The following GALNT18 variants were observed in gnomAD, a reference collection of about 807,000 sequenced individuals.
The protein encoded by GALNT18 is polypeptide N-acetylgalactosaminyltransferase 18.
GALNT18 carries 44 observed loss-of-function variants against 69.5 expected under a neutral mutation model. The ratio of observed to expected loss-of-function variants is 0.63; its 90% CI spans 0.50 to 0.81. GALNT18 has a LOEUF of 0.81. Ranked by LOEUF, GALNT18 falls within the 40% of genes least tolerant of loss-of-function variation. The probability of loss-of-function intolerance (pLI) is 0.00; values close to 1 mark genes in which losing one functional copy is unlikely to be tolerated. For synonymous variants in GALNT18, 364 were observed against 318.2 expected, an observed-to-expected ratio of 1.14 and a Z score of -1.53; for missense variants, 715 against 810.0, an observed-to-expected ratio of 0.88 and a Z score of 1.42.
chr11:11,274,047 G>T (rs143230046), intron 10 of GALNT18, among the ~76,000 whole-genome samples: 1 of 152,128 alleles, frequency 6.6e-6, no homozygotes, highest in Non-Finnish European at 1.5e-5. Context: ...GCTGAAGCAG[G>T]GTGGGTTATC....
intron 7 of GALNT18, among the ~76,000 whole-genome samples, chr11:11,335,987 T>G (rs577376200): frequency 6.6e-6 from 1 of 152,214 alleles, no homozygotes; most frequent in East Asian, 1.9e-4. Context: ...TTTGTTACCA[T>G]AGCCCTAGGA....
At position 11,435,408 on chromosome 11, in the gene GALNT18, G is replaced by T. The variant is rs1348745505; in HGVS notation, c.429-2621C>A. ...CTTTCTCCACGCAGAATGAAATGCT[G>T]TATTTGTATAATAAGCTAAGCCCTG... On this transcript the variant is annotated intron_variant, in intron 2 of 10. Transcript: ENST00000227756. This position sits in a 1 kb window ranked among gnomAD's most constrained non-coding sequence, Gnocchi z 4.4. 1.3e-5 allele frequency among the ~76,000 whole-genome samples: 2 copies of T among 152,202 alleles called. No homozygotes were observed. Among genetic ancestry groups the T allele is most frequent in the Non-Finnish European group, 2.9e-5 (2 of 68,042 alleles).
rs1368286339 is a variant in GALNT18, at chr11:11,432,675, T to C, written c.541A>G (p.Thr181Ala). 1 of 1,612,978 alleles carries C rather than the reference T, an allele frequency of 6.2e-7. No individual in the cohort carries two copies. The highest frequency in any genetic ancestry group is 2.2e-5 in the East Asian group (1 of 44,852). Residue 181 changes from threonine to alanine, a missense_variant, in exon 3 of 11, where the codon ACG becomes GCG. Physicochemically the swap from Thr to Ala is moderately conservative, Grantham distance 58. Transcript: ENST00000227756. This position sits in a 1 kb window ranked among gnomAD's most constrained non-coding sequence, Gnocchi z 5.8. ...LRSIHSAMER[T>A]PPHLLKEIIL... is the part of the protein sequence containing the mutation. Reference sequence around the variant, plus strand: ...ATCTCCTTGAGCAGATGTGGGGGCGTGCGTTCCATGGCCGAGTGGATGGAG... The same window carrying C: ...ATCTCCTTGAGCAGATGTGGGGGCGCGCGTTCCATGGCCGAGTGGATGGAG...
chr11:11,416,239 T>C (rs1434174085), intron 3 of GALNT18, among the ~76,000 whole-genome samples: 1 of 152,224 alleles, frequency 6.6e-6, no homozygotes, highest in African/African-American at 2.4e-5. Context: ...TAGCCTGGCA[T>C]TAAAATCGTC....
At position 11,614,780 on chromosome 11, in the gene GALNT18, T is replaced by C. The variant is rs1160623499; in HGVS notation, c.235+6579A>G. On this transcript the variant is annotated intron_variant, in intron 1 of 10. Coordinates refer to ENST00000227756, the MANE Select transcript of GALNT18 (RefSeq NM_198516.3). This position sits in a 1 kb window ranked among gnomAD's most constrained non-coding sequence, Gnocchi z 5.6. ...ACCAGACGTGGCTCTCTGACACTTTTCATTCTGAATTCTCCTTGAGATTCT... is the reference window on the plus strand; with the variant it reads ...ACCAGACGTGGCTCTCTGACACTTTCCATTCTGAATTCTCCTTGAGATTCT... Among the ~76,000 whole-genome samples the C allele has an allele frequency of 6.6e-6, 1 of 152,240 alleles. No individual in the cohort carries two copies. Among genetic ancestry groups the C allele is most frequent in the Non-Finnish European group, 1.5e-5 (1 of 68,036 alleles).
intron 1 of GALNT18, among the ~76,000 whole-genome samples, chr11:11,561,972 C>T (rs1028044473): frequency 3.3e-5 from 5 of 152,218 alleles, no homozygotes; most frequent in Non-Finnish European, 7.3e-5. Flanking sequence ...AGGGACCTGC[C>T]CACTGTCACA....
intron 1 of GALNT18, among the ~76,000 whole-genome samples, chr11:11,467,066 T>C (rs928630220): frequency 6.6e-6 from 1 of 152,218 alleles, no homozygotes; most frequent in Non-Finnish European, 1.5e-5. Flanking sequence ...ACAGGCAGTA[T>C]GTGCGGAGGA....
intron 9 of GALNT18, among the ~76,000 whole-genome samples, chr11:11,321,211 A>G (rs1849834030): frequency 1.3e-5 from 2 of 152,216 alleles, no homozygotes; most frequent in African/African-American, 4.8e-5. Flanking sequence ...ATCCAGCTTT[A>G]TCATCTGCAG....
intron 10 of GALNT18, among the ~76,000 whole-genome samples, chr11:11,273,979 G>T (rs973652167): frequency 2.0e-5 from 3 of 152,130 alleles, no homozygotes; most frequent in Non-Finnish European, 4.4e-5. Context: ...TCCAACTGAG[G>T]GACCTGGTTC....
rs1464696587 is a variant in GALNT18, at chr11:11,590,309, G to A, written c.235+31050C>T. 2.0e-5 allele frequency among the ~76,000 whole-genome samples: 3 copies of A among 152,228 alleles called. No individual in the cohort carries two copies. Among genetic ancestry groups the A allele is most frequent in the Admixed American group, 2.0e-4 (3 of 15,288 alleles). On this transcript the variant is annotated intron_variant, in intron 1 of 10. Coordinates refer to ENST00000227756, the MANE Select transcript of GALNT18 (RefSeq NM_198516.3). The surrounding 1 kb of genome is among the most constrained non-coding windows in gnomAD (Gnocchi z 4.4). ...CCCCGTATCTGCCGATTGCATGCAAGGGGTCACGCAGAAAGCGACAGGGCC... is the reference window on the plus strand; with the variant it reads ...CCCCGTATCTGCCGATTGCATGCAAAGGGTCACGCAGAAAGCGACAGGGCC...
intron 3 of GALNT18, among the ~76,000 whole-genome samples, chr11:11,394,501 G>T (rs534177369): frequency 2.1e-4 from 32 of 152,322 alleles, no homozygotes; most frequent in Non-Finnish European, 4.0e-4. Flanking sequence ...TCCAAGAGAT[G>T]AACTGAAATG....
Position 11,293,232 on chromosome 11 carries a change from A to G in GALNT18, c.1513-39T>C, listed in dbSNP as rs1849335771. ...GAGGGAGAGAGTGTGGATAAATGCCAATGGCCACGGAGACAGGAGCATAGG... is the reference window on the plus strand; with the variant it reads ...GAGGGAGAGAGTGTGGATAAATGCCGATGGCCACGGAGACAGGAGCATAGG... On this transcript the variant is annotated intron_variant, in intron 9 of 10. Coordinates refer to ENST00000227756, the MANE Select transcript of GALNT18 (RefSeq NM_198516.3). 4 of 1,310,432 alleles carry G rather than the reference A, an allele frequency of 3.1e-6. No homozygotes were observed. In the East Asian group the frequency reaches 1.1e-4, roughly 37 times the overall value. 81.2% of individuals were successfully genotyped at this position (1,310,432 alleles called of 1,614,324 possible). A position where few individuals can be genotyped will look rare whatever the true frequency, so the allele number is the denominator to read the frequency against.
At chr11:11,289,994 A>G (rs1406282927) in intron 10 of GALNT18, among the ~76,000 whole-genome samples, 2 of 152,200 alleles carry the variant, frequency 1.3e-5, no homozygotes, top group African/African-American at 2.4e-5. Context: ...CCATGTCTGG[A>G]TGACACCAAG....
chr11:11,469,891 T>C lies in GALNT18; in HGVS notation c.236-20955A>G, dbSNP rs569476862. Among the ~76,000 whole-genome samples the C allele has an allele frequency of 9.9e-5, 15 of 152,270 alleles. No individual in the cohort carries two copies. The highest frequency in any genetic ancestry group is 3.4e-4 in the African/African-American group (14 of 41,566). On this transcript the variant is annotated intron_variant, in intron 1 of 10. Transcript: ENST00000227756. This position sits in a 1 kb window ranked among gnomAD's most constrained non-coding sequence, Gnocchi z 4.2. ...TTGGAGAAGAGCATATTTAAGGACATAGTCATTCCATCAGGCCCCCAGAAC... is the reference window on the plus strand; with the variant it reads ...TTGGAGAAGAGCATATTTAAGGACACAGTCATTCCATCAGGCCCCCAGAAC...
intron 1 of GALNT18, among the ~76,000 whole-genome samples, chr11:11,462,464 T>A (rs187304806): frequency 1.3e-5 from 2 of 151,792 alleles, no homozygotes; most frequent in South Asian, 4.2e-4. Flanking sequence ...ATTTATTTTT[T>A]ATTTTTTTAG....
intron 10 of GALNT18, among the ~76,000 whole-genome samples, chr11:11,281,606 C>G (rs1370946266): frequency 1.3e-5 from 2 of 152,124 alleles, no homozygotes; most frequent in African/African-American, 4.8e-5. Flanking sequence ...TCTTTGCTTG[C>G]CTTTCAAGGG....
chr11:11,586,122 A>C lies in GALNT18; in HGVS notation c.235+35237T>G, dbSNP rs114536665. Among the ~76,000 whole-genome samples the C allele has an allele frequency of 4.9e-3, 741 of 152,298 alleles. 2 individuals are homozygous for C. The highest frequency in any genetic ancestry group is 0.017 in the African/African-American group (715 of 41,560). ...CTTGATCTTGGACTTTCCGGCCTCC[A>C]GAACTGTGAAAAATAAATTTCTATT... On this transcript the variant is annotated intron_variant, in intron 1 of 10. Coordinates refer to ENST00000227756, the MANE Select transcript of GALNT18 (RefSeq NM_198516.3). The surrounding 1 kb of genome is among the most constrained non-coding windows in gnomAD (Gnocchi z 4.1).
In GALNT18 at chr11:11,616,125, C is replaced by A. The variant is rs1860041594; in HGVS notation, c.235+5234G>T. Among the ~76,000 whole-genome samples, 1 of 152,048 alleles carries A rather than the reference C, an allele frequency of 6.6e-6. No homozygotes were observed. The highest frequency in any genetic ancestry group is 2.1e-4 in the South Asian group (1 of 4,818). ...TGCTGGGATTATAGGTATAAGCCAC[C>A]ACGCCTGGCCAAACACTGATAGTCT... On this transcript the variant is annotated intron_variant, in intron 1 of 10. Transcript: ENST00000227756. The surrounding 1 kb of genome is among the most constrained non-coding windows in gnomAD (Gnocchi z 4.4).
chr11:11,324,359 A>C (rs564574135), intron 9 of GALNT18, among the ~76,000 whole-genome samples: 1 of 152,360 alleles, frequency 6.6e-6, no homozygotes, highest in South Asian at 2.1e-4. Context: ...AAGGTTGTTC[A>C]TAGCAGCAGT....
Sources: allele counts gnomAD v4.1 joint callset (sites outside exome capture counted in the v4.1 genomes callset), GRCh38; gene constraint gnomAD v4.1.1; non-coding constraint Gnocchi (gnomAD v3.1); transcripts MANE v1.5; gene names NCBI Gene and HGNC (gene_info 2026-07-23, HGNC 2026-07-21).